UST: variants seen among roughly 807,000 people sequenced by gnomAD.
UST encodes chondroitin sulfate 2-O-sulfotransferase.
In UST, 21 loss-of-function variants were observed where a neutral mutation model predicts 45.6. The observed-to-expected ratio is 0.46, with a 90% confidence interval of 0.33 to 0.66. The LOEUF (loss-of-function observed/expected upper bound fraction) is 0.66. Ranked by LOEUF, UST falls within the 30% of genes least tolerant of loss-of-function variation. The pLI, the probability that UST is intolerant of heterozygous loss-of-function variation, is 0.02. For synonymous variants in UST, 215 were observed against 200.6 expected, an observed-to-expected ratio of 1.07 and a Z score of -0.61; for missense variants, 463 against 512.4, an observed-to-expected ratio of 0.90 and a Z score of 0.93.
At chr6:148,759,940 T>G (rs918401778) in intron 1 of UST, among the ~76,000 whole-genome samples, 1 of 151,580 alleles carries the variant, frequency 6.6e-6, no homozygotes, top group Non-Finnish European at 1.5e-5. Context: ...ATCACTGAAG[T>G]AGATCGTTCT....
intron 7 of UST, among the ~76,000 whole-genome samples, chr6:149,021,964 A>G (rs1243707987): frequency 6.6e-6 from 1 of 152,228 alleles, no homozygotes; most frequent in Non-Finnish European, 1.5e-5. Flanking sequence ...AGTGTATCAA[A>G]TCCTGACAGT....
chr6:148,946,771 G>A (rs1192408712), intron 3 of UST, among the ~76,000 whole-genome samples: 5 of 111,744 alleles, frequency 4.5e-5, no homozygotes, highest in Non-Finnish European at 4.9e-5. Flanking sequence ...CCGAGATTGC[G>A]CCACTGCACT....
At chr6:148,970,197 G>C (rs965088654) in intron 5 of UST, among the ~76,000 whole-genome samples, 2 of 152,204 alleles carry the variant, frequency 1.3e-5, no homozygotes, top group African/African-American at 4.8e-5. Context: ...CAGGCAAACA[G>C]AAAACAAGAT....
chr6:148,875,911 G>A (rs908056116), intron 1 of UST, among the ~76,000 whole-genome samples: 2 of 152,250 alleles, frequency 1.3e-5, no homozygotes, highest in African/African-American at 4.8e-5. Context: ...TGGACAGGCA[G>A]TGTGATAAGT....
intron 1 of UST, among the ~76,000 whole-genome samples, chr6:148,869,309 G>A (rs544514956): frequency 1.1e-4 from 16 of 152,142 alleles, no homozygotes; most frequent in East Asian, 1.9e-4. Context: ...AAAATTTCAC[G>A]TAAATCCTAT....
At chr6:149,054,714 A>T (rs1776537336) in intron 7 of UST, among the ~76,000 whole-genome samples, 1 of 152,170 alleles carries the variant, frequency 6.6e-6, no homozygotes. Context: ...AAAGTGTGAA[A>T]CTTTGCCACT....
chr6:149,003,097 A>G (rs1781583750), intron 5 of UST, among the ~76,000 whole-genome samples: 1 of 152,208 alleles, frequency 6.6e-6, no homozygotes. Flanking sequence ...ATCATTTTGA[A>G]CTACCCTAAA....
chr6:148,896,917 A>T (rs1393946483), intron 2 of UST, among the ~76,000 whole-genome samples: 1 of 152,080 alleles, frequency 6.6e-6, no homozygotes, highest in Admixed American at 6.5e-5. Flanking sequence ...TCAGTTTTCT[A>T]TTTCTAAAAG....
rs564396425 is a variant in UST at position 148,901,810 on chromosome 6, C to T, written c.291+14781C>T. On this transcript the variant is annotated intron_variant, in intron 2 of 7. Transcript: ENST00000367463. ...CTGACCTCAAGTGGTCCACCCGCCTCGGCCTCCCAAAGTGTTGGGATTACA... is the reference window on the plus strand; with the variant it reads ...CTGACCTCAAGTGGTCCACCCGCCTTGGCCTCCCAAAGTGTTGGGATTACA... Among the ~76,000 whole-genome samples, 8 of 152,256 alleles carry T rather than the reference C, an allele frequency of 5.3e-5. No homozygotes were observed. The South Asian group carries it at 1.7e-3, about 32-fold the overall frequency.
chr6:148,777,763 T>C (rs996705649), intron 1 of UST, among the ~76,000 whole-genome samples: 1 of 152,168 alleles, frequency 6.6e-6, no homozygotes, highest in Admixed American at 6.5e-5. Context: ...TCCAGGCTGG[T>C]CTCGAACTCC....
chr6:149,038,483 C>T (rs1019465436), intron 7 of UST, among the ~76,000 whole-genome samples: 25 of 151,946 alleles, frequency 1.6e-4, no homozygotes, highest in Middle Eastern at 3.4e-3. Context: ...TTTGCAGCCA[C>T]CCCTGGAAAC....
At chr6:148,952,247 A>G (rs1780379648) in intron 3 of UST, among the ~76,000 whole-genome samples, 1 of 152,252 alleles carries the variant, frequency 6.6e-6, no homozygotes, top group Non-Finnish European at 1.5e-5. Flanking sequence ...ATCAAAATGA[A>G]CAACGTGACC....
chr6:148,970,090 T>G (rs1780884687), intron 5 of UST, among the ~76,000 whole-genome samples: 1 of 152,166 alleles, frequency 6.6e-6, no homozygotes, highest in Admixed American at 6.5e-5. Flanking sequence ...CGAAATACAT[T>G]TGTCCTGGGT....
intron 1 of UST, among the ~76,000 whole-genome samples, chr6:148,792,574 G>A (rs1436539329): frequency 3.9e-5 from 6 of 152,196 alleles, no homozygotes; most frequent in Non-Finnish European, 1.5e-5. Flanking sequence ...TGTGGCTCAA[G>A]GATGTTGTCC....
chr6:148,897,440 A>G (rs1488848975), intron 2 of UST, among the ~76,000 whole-genome samples: 5 of 151,846 alleles, frequency 3.3e-5, no homozygotes, highest in Non-Finnish European at 5.9e-5. Context: ...TTGGCCTCCC[A>G]AAGTGCTGGG....
rs1775874238 is a variant in UST at position 148,747,139 on chromosome 6, C to T, written c.-292C>T. On this transcript the variant is annotated 5_prime_UTR_variant, in exon 1 of 8. Transcript: ENST00000367463. ...GGCGGCCGCAAGCGAGCCCGAGGCGCGGCGGGGCGCGGGGCGTGGGGACGC... is the reference window on the plus strand; with the variant it reads ...GGCGGCCGCAAGCGAGCCCGAGGCGTGGCGGGGCGCGGGGCGTGGGGACGC... Among the ~76,000 whole-genome samples, 2 of 149,818 alleles carry T rather than the reference C, an allele frequency of 1.3e-5. No homozygotes were observed. Among genetic ancestry groups the T allele is most frequent in the Admixed American group, 1.3e-4 (2 of 15,090 alleles).
chr6:148,942,485 A>G (rs9322160), intron 3 of UST, among the ~76,000 whole-genome samples: 77,941 of 151,920 alleles, frequency 0.51, 20,198 homozygotes, highest in South Asian at 0.62. Flanking sequence ...TTGAACCCAG[A>G]AGGCAGAGGT....
chr6:148,770,951 TA>T (rs141372232), intron 1 of UST, among the ~76,000 whole-genome samples: 2,250 of 149,792 alleles, frequency 0.015, 52 homozygotes, highest in African/African-American at 0.052. Context: ...TAATCTTGAT[TA>T]AAAAAAAAAG....
At chr6:149,037,139 A>C (rs1039159324) in intron 7 of UST, among the ~76,000 whole-genome samples, 14 of 152,156 alleles carry the variant, frequency 9.2e-5, no homozygotes, top group African/African-American at 3.4e-4. Flanking sequence ...CAGTCTGCTC[A>C]TAGACAGAAG....
Sources: allele counts gnomAD v4.1 joint callset (sites outside exome capture counted in the v4.1 genomes callset), GRCh38; gene constraint gnomAD v4.1.1; transcripts MANE v1.5; gene names NCBI Gene and HGNC (gene_info 2026-07-23, HGNC 2026-07-21).